GPC6: variants seen among roughly 807,000 people sequenced by gnomAD.
GPC6 encodes the protein glypican-6.
A neutral mutation model predicts 55.2 loss-of-function variants in GPC6; 14 were observed. That is an observed-to-expected ratio of 0.25 (90% confidence interval 0.17 to 0.40). GPC6 has a LOEUF of 0.40. Ranked by LOEUF, GPC6 falls within the 10% of genes least tolerant of loss-of-function variation. The pLI, the probability that GPC6 is intolerant of heterozygous loss-of-function variation, is 1.00. For synonymous variants in GPC6, 278 were observed against 259.6 expected (o/e 1.07, Z -0.68); for missense variants, 641 against 708.5 (o/e 0.90, Z 1.08).
intron 4 of GPC6, among the ~76,000 whole-genome samples, chr13:94,067,474 G>GTC (rs777653136): frequency 5.8e-4 from 83 of 142,254 alleles, no homozygotes; most frequent in African/African-American, 1.9e-3. Context: ...CTCTCTGTCT[G>GTC]TCTGTCTCTC....
chr13:93,975,598 T>C (rs1880480492), intron 3 of GPC6, among the ~76,000 whole-genome samples: 1 of 152,196 alleles, frequency 6.6e-6, no homozygotes, highest in African/African-American at 2.4e-5. Flanking sequence ...AGTTTTTTAT[T>C]GAAAAATGCA....
intron 2 of GPC6, among the ~76,000 whole-genome samples, chr13:93,701,806 A>C (rs1882680287): frequency 1.3e-5 from 2 of 152,018 alleles, no homozygotes; most frequent in South Asian, 4.1e-4. Flanking sequence ...TCATCCTTTC[A>C]AGTGTTTTCA....
At chr13:93,500,968 G>A (rs1880499468) in intron 1 of GPC6, among the ~76,000 whole-genome samples, 1 of 152,150 alleles carries the variant, frequency 6.6e-6, no homozygotes, top group Non-Finnish European at 1.5e-5. Context: ...ATGCACTGTT[G>A]TGTTAACAAG....
At chr13:93,263,608 A>G (rs1877225795) in intron 1 of GPC6, among the ~76,000 whole-genome samples, 1 of 152,068 alleles carries the variant, frequency 6.6e-6, no homozygotes, top group South Asian at 2.1e-4. Flanking sequence ...CAGGTGATCC[A>G]CTGGCCTTGG....
chr13:94,174,601 GA>G (rs972406721), intron 4 of GPC6, among the ~76,000 whole-genome samples: 1 of 152,078 alleles, frequency 6.6e-6, no homozygotes, highest in Non-Finnish European at 1.5e-5. Context: ...AAGCATGTAA[GA>G]AAAAAATACA....
intron 3 of GPC6, among the ~76,000 whole-genome samples, chr13:93,922,862 A>G (rs1466619184): frequency 2.6e-5 from 4 of 152,162 alleles, no homozygotes; most frequent in African/African-American, 7.2e-5. Flanking sequence ...ATTCTGTAAC[A>G]TCCATAATAG....
chr13:94,243,045 C>G (rs965262292), intron 4 of GPC6, among the ~76,000 whole-genome samples: 4 of 151,948 alleles, frequency 2.6e-5, no homozygotes, highest in African/African-American at 9.7e-5. Context: ...GAATTGATCT[C>G]CATATACAGC....
chr13:93,382,064 C>G (rs1212732883), intron 1 of GPC6, among the ~76,000 whole-genome samples: 3 of 151,968 alleles, frequency 2.0e-5, no homozygotes, highest in Non-Finnish European at 4.4e-5. Flanking sequence ...TCTTATTATA[C>G]AATTCAAATA....
intron 4 of GPC6, among the ~76,000 whole-genome samples, chr13:94,202,675 T>C (rs1403615508): frequency 6.6e-6 from 1 of 152,134 alleles, no homozygotes; most frequent in Non-Finnish European, 1.5e-5. Flanking sequence ...AAAGTATGGG[T>C]TGTTTAGATA....
intron 4 of GPC6, among the ~76,000 whole-genome samples, chr13:94,074,046 A>G (rs1472957062): frequency 6.6e-6 from 1 of 152,206 alleles, no homozygotes; most frequent in Non-Finnish European, 1.5e-5. Flanking sequence ...TTTAGGAATC[A>G]GTGTGTATTA....
chr13:94,109,143 G>A (rs2058796594), intron 4 of GPC6, among the ~76,000 whole-genome samples: 2 of 152,184 alleles, frequency 1.3e-5, no homozygotes, highest in South Asian at 4.1e-4. Flanking sequence ...CCCTCACATG[G>A]CCTTGCAGGA....
At chr13:93,847,780 A>G (rs1007036079) in intron 3 of GPC6, among the ~76,000 whole-genome samples, 2 of 152,042 alleles carry the variant, frequency 1.3e-5, no homozygotes, top group Non-Finnish European at 2.9e-5. Flanking sequence ...TGTGATGTGT[A>G]ATTCATTTTC....
intron 3 of GPC6, among the ~76,000 whole-genome samples, chr13:93,976,393 GA>G (rs1170280421): frequency 2.0e-5 from 3 of 151,582 alleles, no homozygotes; most frequent in African/African-American, 7.3e-5. Flanking sequence ...AGGAGGTTTT[GA>G]AAAAGAAATC....
intron 3 of GPC6, among the ~76,000 whole-genome samples, chr13:93,957,964 G>C (rs1009435253): frequency 6.6e-6 from 1 of 152,168 alleles, no homozygotes; most frequent in Non-Finnish European, 1.5e-5. Flanking sequence ...CTGACAATTA[G>C]TGATGATGAC....
At chr13:93,490,955 T>G (rs889442795) in intron 1 of GPC6, among the ~76,000 whole-genome samples, 5 of 69,568 alleles carry the variant, frequency 7.2e-5, no homozygotes, top group Non-Finnish European at 8.3e-5. Flanking sequence ...GTCTTTGCTA[T>G]TGTGAATAAT....
At chr13:94,088,379 G>T (rs1365762560) in intron 4 of GPC6, among the ~76,000 whole-genome samples, 1 of 151,982 alleles carries the variant, frequency 6.6e-6, no homozygotes, top group Non-Finnish European at 1.5e-5. Flanking sequence ...GATGTTCATA[G>T]AAACATCCTT....
chr13:93,820,233 T>G (rs1228114898), intron 2 of GPC6, among the ~76,000 whole-genome samples: 2 of 152,162 alleles, frequency 1.3e-5, no homozygotes, highest in Non-Finnish European at 2.9e-5. Flanking sequence ...AAACTGGTGA[T>G]GTACAATTGT....
intron 1 of GPC6, among the ~76,000 whole-genome samples, chr13:93,424,899 G>A (rs988852536): frequency 6.6e-6 from 1 of 152,028 alleles, no homozygotes; most frequent in Non-Finnish European, 1.5e-5. Context: ...CCTTCTCTGG[G>A]GAAACACTAC....
intron 4 of GPC6, among the ~76,000 whole-genome samples, chr13:94,060,770 G>C (rs191877121): frequency 6.6e-6 from 1 of 152,176 alleles, no homozygotes; most frequent in Non-Finnish European, 1.5e-5. Context: ...TAATATTTAG[G>C]GGTAATAATA....
Sources: gnomAD v4.1 joint callset for allele counts (sites outside exome capture counted in the v4.1 genomes callset) on GRCh38, gnomAD v4.1.1 for gene constraint, MANE v1.5 for transcripts, NCBI Gene and HGNC (gene_info 2026-07-23, HGNC 2026-07-21) for gene names.